FBXO34: variants seen among roughly 807,000 people sequenced by gnomAD.
FBXO34 encodes the protein F-box only protein 34.
FBXO34 carries 12 observed loss-of-function variants against 24.5 expected under a neutral mutation model. The observed-to-expected ratio is 0.49, with a 90% confidence interval of 0.31 to 0.79. The LOEUF is 0.79. Ranked by LOEUF, FBXO34 falls within the 30% of genes least tolerant of loss-of-function variation. The pLI is 0.04. For synonymous variants in FBXO34, 320 were observed against 311.9 expected, an observed-to-expected ratio of 1.03 and a Z score of -0.27; for missense variants, 823 against 857.7, an observed-to-expected ratio of 0.96 and a Z score of 0.51.
intron 3 of FBXO34, among the ~76,000 whole-genome samples, chr14:55,360,629 G>A (rs181593199): frequency 1.3e-5 from 2 of 151,956 alleles, no homozygotes; most frequent in Admixed American, 1.3e-4. Flanking sequence ...TTTTACACGC[G>A]ATGTTTATTT....
chr14:55,320,707 G>C (rs989477367), intron 1 of FBXO34, among the ~76,000 whole-genome samples: 1 of 152,092 alleles, frequency 6.6e-6, no homozygotes, highest in Non-Finnish European at 1.5e-5. Context: ...GCGGTAAGTC[G>C]AGATCTGCCA....
chr14:55,356,909 T>C (rs1884530823), downstream of FBXO34, among the ~76,000 whole-genome samples: 1 of 152,156 alleles, frequency 6.6e-6, no homozygotes, highest in African/African-American at 2.4e-5. Context: ...TCACTATGCC[T>C]GGCTAATTTT....
chr14:55,404,761 T>C, the FBXO34 span, among the ~76,000 whole-genome samples: 3 of 152,154 alleles, frequency 2.0e-5, no homozygotes, highest in Non-Finnish European at 4.4e-5. Context: ...CAAAATGGAA[T>C]GTTTTTCTTT....
chr14:55,365,789 G>C (rs771721074), downstream of FBXO34, among the ~76,000 whole-genome samples: 1 of 152,122 alleles, frequency 6.6e-6, no homozygotes, highest in African/African-American at 2.4e-5. Context: ...TAAAGGGGCA[G>C]TATGACCATG....
chr14:55,276,975 T>C (rs151188418), intron 1 of FBXO34, among the ~76,000 whole-genome samples: 50 of 152,300 alleles, frequency 3.3e-4, no homozygotes, highest in Non-Finnish European at 6.5e-4. Context: ...TGAATAAGGA[T>C]AAAACAAGGT....
chr14:55,363,013 TTC>T (rs200416843), downstream of FBXO34, among the ~76,000 whole-genome samples: 7 of 143,548 alleles, frequency 4.9e-5, no homozygotes, highest in Non-Finnish European at 7.5e-5. Context: ...GACCCCTTTT[TTC>T]TCTCTCTCTT....
the FBXO34 span, chr14:55,436,019 G>A: frequency 3.6e-6 from 3 of 835,552 alleles, no homozygotes; most frequent in Admixed American, 3.1e-5. Context: ...CATTTCTTAG[G>A]TTATACCTTA....
At chr14:55,311,194 G>T (rs919815768) in intron 1 of FBXO34, among the ~76,000 whole-genome samples, 4 of 152,182 alleles carry the variant, frequency 2.6e-5, no homozygotes, top group Non-Finnish European at 5.9e-5. Flanking sequence ...TCACAATGTG[G>T]CAGGAGGGAG....
At chr14:55,439,990 C>T in the FBXO34 span, among the ~76,000 whole-genome samples, 1 of 143,638 alleles carries the variant, frequency 7.0e-6, no homozygotes, top group African/African-American at 2.6e-5. Context: ...ATCCCAGCTA[C>T]ACGGGAGGCT....
chr14:55,371,851 C>CAAGTTT (rs1884826377), downstream of FBXO34, among the ~76,000 whole-genome samples: 1 of 152,046 alleles, frequency 6.6e-6, no homozygotes, highest in East Asian at 1.9e-4. Context: ...GGGGTGCTCT[C>CAAGTTT]AAGTTTACTA....
At chr14:55,413,624 T>TGGAG in the FBXO34 span, 1 of 429,200 alleles carries the variant, frequency 2.3e-6, no homozygotes, top group South Asian at 2.0e-5. Flanking sequence ...TAAGTGCTTG[T>TGGAG]CTGGGTGGAG....
chr14:55,416,261 TAAAC>T, the FBXO34 span, among the ~76,000 whole-genome samples: 1 of 152,152 alleles, frequency 6.6e-6, no homozygotes, highest in African/African-American at 2.4e-5. Flanking sequence ...CCTTAAATAT[TAAAC>T]AATCAGGGAT....
At position 55,350,688 on chromosome 14, in the gene FBXO34, G is replaced by A. The variant is rs761909905; in HGVS notation, c.298G>A (p.Glu100Lys). 50 of 1,613,594 alleles carry A rather than the reference G, an allele frequency of 3.1e-5. No homozygotes were observed. The highest frequency in any genetic ancestry group is 1.0e-4 in the Admixed American group (6 of 59,836). ...NAPSATIHQG[E>K]EEGPLDIWAV... is the part of the protein sequence containing the mutation. ...ACCATCTGCAACGATCCACCAGGGC[G>A]AAGAAGAAGGACCACTTGATATCTG... Residue 100 changes from glutamate (E) to lysine (K), a missense_variant, in exon 2 of 2, where the codon GAA becomes AAA. By Grantham distance (56) the Glu-to-Lys change is moderately conservative (BLOSUM62 1). Coordinates refer to ENST00000313833, the MANE Select transcript of FBXO34 (RefSeq NM_017943.4).
chr14:55,377,554 C>CACTA, the FBXO34 span, among the ~76,000 whole-genome samples: 2 of 152,072 alleles, frequency 1.3e-5, no homozygotes, highest in Non-Finnish European at 2.9e-5. Flanking sequence ...CACAAAAAGG[C>CACTA]ACTACTCCAG....
downstream of FBXO34, among the ~76,000 whole-genome samples, chr14:55,370,537 A>G (rs117636590): frequency 0.017 from 2,645 of 152,192 alleles, 21 homozygotes; most frequent in Middle Eastern, 0.055. Flanking sequence ...GGTCCCTAAT[A>G]ACACCCTCAC....
chr14:55,381,210 T>C, the FBXO34 span, among the ~76,000 whole-genome samples: 2 of 152,130 alleles, frequency 1.3e-5, no homozygotes, highest in Non-Finnish European at 2.9e-5. Context: ...CACCTTTGTA[T>C]CTCCAGCACC....
the FBXO34 span, chr14:55,424,371 T>A: frequency 7.9e-5 from 49 of 618,148 alleles, no homozygotes; most frequent in Non-Finnish European, 1.1e-4. Flanking sequence ...GTTAGCTATT[T>A]TATCAAAAAC....
At chr14:55,390,245 A>G in the FBXO34 span, among the ~76,000 whole-genome samples, 3 of 149,708 alleles carry the variant, frequency 2.0e-5, no homozygotes, top group African/African-American at 4.9e-5. Flanking sequence ...TAATTTTTGT[A>G]TTTTTAGTAG....
At chr14:55,369,623 C>T (rs751823843), downstream of FBXO34, 29 of 1,514,396 alleles carry the variant, frequency 1.9e-5, no homozygotes, top group Middle Eastern at 1.9e-4. Context: ...TGCTCGTTAA[C>T]GGTGTCCAGT....
Sources: allele counts gnomAD v4.1 joint callset (sites outside exome capture counted in the v4.1 genomes callset), GRCh38; gene constraint gnomAD v4.1.1; transcripts MANE v1.5; gene names NCBI Gene and HGNC (gene_info 2026-07-23, HGNC 2026-07-21).